The following BMP7 variants were observed in gnomAD, a reference collection of about 807,000 sequenced individuals.
The protein encoded by BMP7 is osteogenic protein 1.
A neutral mutation model predicts 41.2 loss-of-function variants in BMP7; 12 were observed. The ratio of observed to expected loss-of-function variants is 0.29; its 90% confidence interval spans 0.19 to 0.47. The LOEUF (loss-of-function observed/expected upper bound fraction) is 0.47, where lower values mean the gene tolerates loss of function less well. Ranked by LOEUF, BMP7 falls within the 20% of genes least tolerant of loss-of-function variation. The pLI is 0.99. For missense variants in BMP7, 467 were observed against 606.0 expected (o/e 0.77, Z 2.41); for synonymous variants, 248 against 250.0 (o/e 0.99, Z 0.07).
At chr20:57,180,464 G>A (rs181649905) in intron 4 of BMP7, among the ~76,000 whole-genome samples, 4 of 152,246 alleles carry the variant, frequency 2.6e-5, no homozygotes, top group Admixed American at 6.5e-5. Context: ...CGCTCGCCAC[G>A]AAATGTTGTC....
Position 57,228,203 on chromosome 20 carries a change from C to T in BMP7, c.611+26G>A. 6.2e-7 allele frequency: 1 copy of T among 1,611,110 alleles called. No individual in the cohort carries two copies. The highest frequency in any genetic ancestry group is 8.5e-7 in the Non-Finnish European group (1 of 1,178,748). On this transcript the variant is annotated intron_variant, in intron 2 of 6. Transcript: ENST00000395863. The surrounding 1 kb of genome is among the most constrained non-coding windows in gnomAD (Gnocchi z 4.5). Reference sequence around the variant, plus strand: ...TGCCCCCAGAGGAAACTCAGCACCTCTCCCAGATACCCGTATAGCACCCAC... The same window carrying T: ...TGCCCCCAGAGGAAACTCAGCACCTTTCCCAGATACCCGTATAGCACCCAC...
chr20:57,169,408 C>G lies in BMP7; in HGVS notation c.*1551G>C, dbSNP rs1983763419. ...GAGTGCATACTATTTATGGGACTCACCAGCCAAGGCAAGGCAGGCTTACAC... is the reference window on the plus strand; with the variant it reads ...GAGTGCATACTATTTATGGGACTCAGCAGCCAAGGCAAGGCAGGCTTACAC... On this transcript the variant is annotated 3_prime_UTR_variant, in exon 7 of 7. Transcript: ENST00000395863. 1 of 152,244 alleles carries G rather than the reference C, an allele frequency of 6.6e-6. No individual in the cohort carries two copies. Among genetic ancestry groups the G allele is most frequent in the Non-Finnish European group, 1.5e-5 (1 of 68,060 alleles). 9.4% of individuals were successfully genotyped at this position (152,244 alleles called of 1,614,324 possible).
rs1216083431 is a variant in BMP7 at position 57,171,954 on chromosome 20, A to G, written c.1147-846T>C. On this transcript the variant is annotated intron_variant, in intron 6 of 6. Coordinates refer to ENST00000395863, the MANE Select transcript of BMP7 (RefSeq NM_001719.3). This position sits in a 1 kb window ranked among gnomAD's most constrained non-coding sequence, Gnocchi z 4.5. ...AGCTCATTTCCTCTGGAAGCATTTC[A>G]TCAGGACTCTCTAGAAGACAGTTGC... Among the ~76,000 whole-genome samples the G allele has an allele frequency of 6.6e-6, 1 of 152,254 alleles. No homozygotes were observed. Among genetic ancestry groups the G allele is most frequent in the Non-Finnish European group, 1.5e-5 (1 of 68,048 alleles).
At chr20:57,233,727 T>C (rs1414979593) in intron 1 of BMP7, among the ~76,000 whole-genome samples, 5 of 152,188 alleles carry the variant, frequency 3.3e-5, no homozygotes, top group Admixed American at 1.3e-4. Context: ...AGTTGTCTGA[T>C]ACAAAGGGAG....
chr20:57,203,583 G>T (rs571392906), intron 2 of BMP7, among the ~76,000 whole-genome samples: 1 of 152,294 alleles, frequency 6.6e-6, no homozygotes, highest in South Asian at 2.1e-4. Flanking sequence ...ATGAGTAGAT[G>T]AATAAGAGGG....
At chr20:57,204,536 G>A (rs1347150521) in intron 2 of BMP7, among the ~76,000 whole-genome samples, 4 of 152,240 alleles carry the variant, frequency 2.6e-5, no homozygotes, top group South Asian at 2.1e-4. Flanking sequence ...GACAGGAACC[G>A]AGGCAGGTGC....
At chr20:57,249,852 C>A (rs1369124989) in intron 1 of BMP7, among the ~76,000 whole-genome samples, 1 of 152,138 alleles carries the variant, frequency 6.6e-6, no homozygotes, top group Non-Finnish European at 1.5e-5. Flanking sequence ...GAGTTCCCTG[C>A]AGGTGAGGAC....
At chr20:57,265,075 A>AAAAAAG (rs2066170504) in intron 1 of BMP7, among the ~76,000 whole-genome samples, 1 of 122,460 alleles carries the variant, frequency 8.2e-6, no homozygotes, top group African/African-American at 5.6e-5. Context: ...AAGAAAAAAG[A>AAAAAAG]AAAAAATAAA....
At chr20:57,239,415 A>G (rs1390189755) in intron 1 of BMP7, among the ~76,000 whole-genome samples, 1 of 152,192 alleles carries the variant, frequency 6.6e-6, no homozygotes, top group Admixed American at 6.5e-5. Context: ...GTGGCTTTGC[A>G]GGGTACGGCC....
At chr20:57,255,656 C>T (rs1319485468) in intron 1 of BMP7, among the ~76,000 whole-genome samples, 2 of 151,752 alleles carry the variant, frequency 1.3e-5, no homozygotes, top group Non-Finnish European at 2.9e-5. Flanking sequence ...AAAAATTAGC[C>T]GGGCGTGGTT....
chr20:57,202,297 C>G (rs989750726), intron 3 of BMP7, among the ~76,000 whole-genome samples, 178 bp downstream of exon 3: 1 of 152,032 alleles, frequency 6.6e-6, no homozygotes, highest in South Asian at 2.1e-4. Flanking sequence ...ATGTAATCTT[C>G]TTGTGAAAAG....
At chr20:57,189,217 G>A (rs1207734433) in intron 3 of BMP7, among the ~76,000 whole-genome samples, 8 of 152,202 alleles carry the variant, frequency 5.3e-5, no homozygotes, top group Non-Finnish European at 1.0e-4. Flanking sequence ...ACTTTTTCTT[G>A]GGGTACAGGG....
chr20:57,256,980 T>C (rs1366099903), intron 1 of BMP7, among the ~76,000 whole-genome samples: 1 of 152,202 alleles, frequency 6.6e-6, no homozygotes, highest in South Asian at 2.1e-4. Flanking sequence ...ATTTTTGAAG[T>C]TAGAAAGTCA....
chr20:57,259,560 C>A lies in BMP7; in HGVS notation c.418+6145G>T, dbSNP rs751376323. ...AGGAACCGGATTATATGCACCCTGG[C>A]TCCAAAACAATAAAGCAATTACCCT... is the stretch of plus-strand genomic sequence containing the variant. On this transcript the variant is annotated intron_variant, in intron 1 of 6. Coordinates refer to ENST00000395863, the MANE Select transcript of BMP7 (RefSeq NM_001719.3). This position sits in a 1 kb window ranked among gnomAD's most constrained non-coding sequence, Gnocchi z 4.7. 2.0e-5 allele frequency among the ~76,000 whole-genome samples: 3 copies of A among 152,102 alleles called. No individual in the cohort carries two copies. The highest frequency in any genetic ancestry group is 2.9e-5 in the Non-Finnish European group (2 of 68,016).
At chr20:57,253,175 T>C (rs974633909) in intron 1 of BMP7, among the ~76,000 whole-genome samples, 9 of 152,218 alleles carry the variant, frequency 5.9e-5, no homozygotes, top group African/African-American at 2.2e-4. Flanking sequence ...GCTTCATTTA[T>C]TGTTTCCTCC....
chr20:57,215,126 C>T lies in BMP7; in HGVS notation c.612-12503G>A, dbSNP rs1040507932. On this transcript the variant is annotated intron_variant, in intron 2 of 6. Coordinates refer to ENST00000395863, the MANE Select transcript of BMP7 (RefSeq NM_001719.3). This position sits in a 1 kb window ranked among gnomAD's most constrained non-coding sequence, Gnocchi z 4.2. ...CACCCACACTCCCAGGCCATGGGCA[C>T]CCAGCTGCACATCCTAGTTGAAGGG... Among the ~76,000 whole-genome samples, 4 of 152,344 alleles carry T rather than the reference C, an allele frequency of 2.6e-5. No homozygotes were observed. In the South Asian group the frequency reaches 6.2e-4, roughly 24 times the overall value.
intron 1 of BMP7, among the ~76,000 whole-genome samples, chr20:57,260,054 C>T (rs551665228): frequency 1.2e-4 from 19 of 152,212 alleles, no homozygotes; most frequent in Admixed American, 4.6e-4. Flanking sequence ...AGTGAACAAA[C>T]GCCCTTCCTC....
chr20:57,180,508 A>C (rs1212565560), intron 4 of BMP7, among the ~76,000 whole-genome samples: 5 of 152,082 alleles, frequency 3.3e-5, no homozygotes. Context: ...TTCCCTAGGC[A>C]CCACCCTGAC....
At chr20:57,200,710 G>A (rs576953405) in intron 3 of BMP7, among the ~76,000 whole-genome samples, 4 of 152,278 alleles carry the variant, frequency 2.6e-5, no homozygotes, top group Non-Finnish European at 4.4e-5. Flanking sequence ...CAGGAGAATC[G>A]CTTGAACCTG....
Sources: allele counts gnomAD v4.1 joint callset (sites outside exome capture counted in the v4.1 genomes callset), GRCh38; gene constraint gnomAD v4.1.1; non-coding constraint Gnocchi (gnomAD v3.1); transcripts MANE v1.5; gene names NCBI Gene and HGNC (gene_info 2026-07-23, HGNC 2026-07-21).